DNAJC13: variants seen among roughly 807,000 people sequenced by gnomAD.
DNAJC13 encodes dnaJ homolog subfamily C member 13.
In DNAJC13, 75 loss-of-function variants were observed where a neutral mutation model predicts 290.5. The ratio of observed to expected loss-of-function variants is 0.26; its 90% CI spans 0.21 to 0.31. The LOEUF is 0.31. Among genes scored for constraint, DNAJC13 ranks in the 10% least tolerant of loss-of-function variants. The pLI is 1.00. For synonymous variants in DNAJC13, 862 were observed against 892.0 expected (o/e 0.97, Z 0.60); for missense variants, 2,260 against 2,674.5 (o/e 0.85, Z 3.42).
At chr3:132,463,011 T>C (rs1933854145) in intron 16 of DNAJC13, among the ~76,000 whole-genome samples, 1 of 152,242 alleles carries the variant, frequency 6.6e-6, no homozygotes, top group Non-Finnish European at 1.5e-5. Context: ...AGTTGCTTTA[T>C]GCTTCTATAT....
In DNAJC13 at chr3:132,478,116, A is replaced by T; in HGVS notation, c.2685A>T (p.Arg895Ser). 6.2e-7 allele frequency: 1 copy of T among 1,611,442 alleles called. No homozygotes were observed. The highest frequency in any genetic ancestry group is 8.5e-7 in the Non-Finnish European group (1 of 1,179,226). ...AAATAGGACCTTTTACAGATACCAG[A>T]TATATCATTGGAATGTTAGAGAGGG... ...HEEIGPFTDT[R>S]YIIGMLERCT... Residue 895 changes from arginine (R) to serine (S), a missense_variant, in exon 24 of 56, where the codon AGA becomes AGT. This residue lies in a region of DNAJC13 where 1,494 missense variants were observed against 1,693.7 expected (regional missense o/e 0.88). Coordinates refer to ENST00000260818, the MANE Select transcript of DNAJC13 (RefSeq NM_015268.4).
At chr3:132,516,321 C>A in intron 46 of DNAJC13, 101 bp from the exon 47 acceptor site, 2 of 1,020,540 alleles carry the variant, frequency 2.0e-6, no homozygotes, top group South Asian at 2.8e-5. Flanking sequence ...AATATGACAT[C>A]CTGTGTAGAA....
Position 132,472,053 on chromosome 3 carries a change from C to T in DNAJC13, c.2209-1092C>T, listed in dbSNP as rs538080897. Among the ~76,000 whole-genome samples, 7 of 150,250 alleles carry T rather than the reference C, an allele frequency of 4.7e-5. No individual in the cohort carries two copies. The East Asian group carries it at 5.9e-4, about 13-fold the overall frequency. ...CGCGGTTAGGGGCTGGAGACCGGCCCGGCCAACACAGCGAAACCCCGTCTC... is the reference window on the plus strand; with the variant it reads ...CGCGGTTAGGGGCTGGAGACCGGCCTGGCCAACACAGCGAAACCCCGTCTC... On this transcript the variant is annotated intron_variant, in intron 20 of 55. Coordinates refer to ENST00000260818, the MANE Select transcript of DNAJC13 (RefSeq NM_015268.4).
chr3:132,524,252 A>C (rs762745687), intron 51 of DNAJC13, among the ~76,000 whole-genome samples: 8 of 152,238 alleles, frequency 5.3e-5, no homozygotes, highest in Non-Finnish European at 1.0e-4. Context: ...ATAGTATATA[A>C]GATTTTGTTT....
chr3:132,527,055 T>C (rs1227977546), intron 53 of DNAJC13, among the ~76,000 whole-genome samples: 1 of 152,224 alleles, frequency 6.6e-6, no homozygotes, highest in East Asian at 1.9e-4. Context: ...TAGCTAATAA[T>C]ACATTGTATA....
At chr3:132,483,693 GT>G in intron 28 of DNAJC13, 116 bp downstream of exon 28, 1 of 1,061,018 alleles carries the variant, frequency 9.4e-7, no homozygotes, top group Non-Finnish European at 1.3e-6. Context: ...GAGGAATGCT[GT>G]TTTGACCTTT....
intron 38 of DNAJC13, 103 bp from the exon 39 acceptor site, chr3:132,500,691 T>C (rs1935379747): frequency 6.8e-7 from 1 of 1,468,390 alleles, no homozygotes; most frequent in African/African-American, 1.4e-5. Context: ...GTATATACCA[T>C]TAAGCATTAT....
At chr3:132,447,575 T>C in intron 4 of DNAJC13, 105 bp downstream of exon 4, 1 of 1,164,828 alleles carries the variant, frequency 8.6e-7, no homozygotes, top group Non-Finnish European at 1.2e-6. Context: ...CTGTACCCAC[T>C]ATGATTATTT....
Position 132,538,188 on chromosome 3 carries a change from C to A in DNAJC13, c.6638C>A (p.Ala2213Asp). 3.7e-6 allele frequency: 6 copies of A among 1,613,782 alleles called. No homozygotes were observed. The highest frequency in any genetic ancestry group is 5.1e-6 in the Non-Finnish European group (6 of 1,179,870). ...TTCTCTCTTGCAGGACCTGGAGTTG[C>A]TGGCTACCTTACCGCAGGTACATCT... ...TAGYLTGPGV[A>D]GYLTAGTSTS... Residue 2213 changes from alanine to aspartate, a missense_variant, in exon 56 of 56, where the codon GCT becomes GAT. Coordinates refer to ENST00000260818, the MANE Select transcript of DNAJC13 (RefSeq NM_015268.4).
chr3:132,523,778 T>C, intron 51 of DNAJC13, 65 bp downstream of exon 51: 8 of 1,482,204 alleles, frequency 5.4e-6, no homozygotes, highest in Non-Finnish European at 6.4e-6. Flanking sequence ...GTGTTTCTCT[T>C]ACAACCTTAT....
In DNAJC13 at chr3:132,447,492, A is replaced by C. The variant is rs1178142043; in HGVS notation, c.294+22A>C. 3 of 1,535,216 alleles carry C rather than the reference A, an allele frequency of 2.0e-6. No individual in the cohort carries two copies. In the African/African-American group the frequency reaches 4.3e-5, roughly 22 times the overall value. On this transcript the variant is annotated intron_variant, in intron 4 of 55. Transcript: ENST00000260818. ...ATTGGTAAGAAGATTCCATGTTCAT[A>C]AATAAAATTTCTTTCTTCTCTTTTT...
chr3:132,424,118 T>G (rs1295131769), intron 1 of DNAJC13, among the ~76,000 whole-genome samples: 2 of 152,192 alleles, frequency 1.3e-5, no homozygotes, highest in Non-Finnish European at 2.9e-5. Context: ...ACTAAAAATA[T>G]GTAAATGATC....
chr3:132,440,032 A>G (rs1933004534), intron 2 of DNAJC13, among the ~76,000 whole-genome samples: 1 of 152,180 alleles, frequency 6.6e-6, no homozygotes, highest in African/African-American at 2.4e-5. Context: ...CCAAGGCTGG[A>G]GGATCACTTG....
rs555425682 is a variant in DNAJC13 at position 132,525,327 on chromosome 3, C to T, written c.6061-283C>T. On this transcript the variant is annotated intron_variant, in intron 51 of 55. Transcript: ENST00000260818. ...TGCACTCCAGCCTGGGCAACAAGAG[C>T]GAAACTCCGTCTCAAAAAAAACCTG... 2.5e-4 allele frequency among the ~76,000 whole-genome samples: 38 copies of T among 152,076 alleles called. No individual in the cohort carries two copies. In the East Asian group the frequency reaches 6.2e-3, roughly 25 times the overall value.
Position 132,452,504 on chromosome 3 carries a change from A to C in DNAJC13, c.538-794A>C, listed in dbSNP as rs143847910. Among the ~76,000 whole-genome samples, 4 of 152,256 alleles carry C rather than the reference A, an allele frequency of 2.6e-5. No homozygotes were observed. The East Asian group carries it at 5.8e-4, about 22-fold the overall frequency. ...ATTCTTTCTTGTGTGGGACACTCCT[A>C]CTCTGCCCTTTACAGGACATTGAGC... On this transcript the variant is annotated intron_variant, in intron 6 of 55. Coordinates refer to ENST00000260818, the MANE Select transcript of DNAJC13 (RefSeq NM_015268.4).
rs770974149 is a variant in DNAJC13 at position 132,453,513 on chromosome 3, C to T, written c.744+9C>T. The T allele has an allele frequency of 8.1e-6, 13 of 1,611,526 alleles. No homozygotes were observed. In the East Asian group the frequency reaches 2.9e-4, roughly 36 times the overall value. On this transcript the variant is annotated intron_variant, in intron 7 of 55. Coordinates refer to ENST00000260818, the MANE Select transcript of DNAJC13 (RefSeq NM_015268.4). ...TATCACCTAGACATTCGGTAAGACC[C>T]ATATGTTAAAAATGAAAATTTGTTC... is the stretch of plus-strand genomic sequence containing the variant.
At chr3:132,495,663 G>A (rs978553050) in intron 35 of DNAJC13, among the ~76,000 whole-genome samples, 1 of 152,064 alleles carries the variant, frequency 6.6e-6, no homozygotes, top group African/African-American at 2.4e-5. Flanking sequence ...ATGAAATCAC[G>A]TAAGAACCAC....
chr3:132,528,473 G>T, intron 54 of DNAJC13, 141 bp downstream of exon 54: 1 of 968,212 alleles, frequency 1.0e-6, no homozygotes, highest in Non-Finnish European at 1.5e-6. Context: ...CCCAAGGATG[G>T]ACTTGCATAC....
intron 46 of DNAJC13, 117 bp downstream of exon 46, chr3:132,514,787 T>A: frequency 2.8e-6 from 2 of 714,468 alleles, no homozygotes; most frequent in Non-Finnish European, 4.7e-6. Flanking sequence ...TTTAAAGTGT[T>A]ATTTACACTA....
Sources: gnomAD v4.1 joint callset for allele counts (sites outside exome capture counted in the v4.1 genomes callset) on GRCh38, gnomAD v4.1.1 for gene constraint, gnomAD v4.1.1 regional missense constraint, MANE v1.5 for transcripts, NCBI Gene and HGNC (gene_info 2026-07-23, HGNC 2026-07-21) for gene names.